PDE8B: variants seen among roughly 807,000 people sequenced by gnomAD.
PDE8B encodes high affinity cAMP-specific and IBMX-insensitive 3',5'-cyclic phosphodiesterase 8B.
Under a neutral mutation model 101.3 loss-of-function variants are expected in PDE8B, and 26 were observed. The ratio of observed to expected loss-of-function variants is 0.26; its 90% CI spans 0.19 to 0.36. The LOEUF (loss-of-function observed/expected upper bound fraction) is 0.36, where lower values mean the gene tolerates loss of function less well. PDE8B is among the 10% of genes least tolerant of loss of function. The pLI is 1.00. For missense variants in PDE8B, 810 were observed against 1,163.1 expected (o/e 0.70, Z 4.42); for synonymous variants, 424 against 429.3 (o/e 0.99, Z 0.15).
the PDE8B span, among the ~76,000 whole-genome samples, chr5:77,096,290 GA>G: frequency 6.6e-6 from 1 of 152,158 alleles, no homozygotes; most frequent in African/African-American, 2.4e-5. Context: ...CGCTGAGCAT[GA>G]TACACATTAT....
At chr5:77,399,591 T>C (rs1264955749) in intron 10 of PDE8B, among the ~76,000 whole-genome samples, 1 of 152,192 alleles carries the variant, frequency 6.6e-6, no homozygotes, top group Non-Finnish European at 1.5e-5. Context: ...AAACAAGAAA[T>C]GCAGGATCCC....
At chr5:77,218,196 T>C (rs1240479934) in intron 1 of PDE8B, among the ~76,000 whole-genome samples, 1 of 152,246 alleles carries the variant, frequency 6.6e-6, no homozygotes, top group African/African-American at 2.4e-5. Context: ...TAAGTTTTAG[T>C]GCATGGTTTG....
intron 5 of PDE8B, among the ~76,000 whole-genome samples, 181 bp from the exon 6 acceptor site, chr5:77,337,046 G>T (rs1205226638): frequency 6.6e-6 from 1 of 152,122 alleles, no homozygotes; most frequent in African/African-American, 2.4e-5. Flanking sequence ...TTGCTCTGTT[G>T]TTTCTCATAC....
At chr5:77,148,532 C>G in the PDE8B span, 14 of 152,174 alleles carry the variant, frequency 9.2e-5, no homozygotes, top group African/African-American at 3.4e-4. Flanking sequence ...ACATCCTCAC[C>G]AACATTTGGT....
rs560004243 is a variant in PDE8B at position 77,281,611 on chromosome 5, G to A, written c.340-30383G>A. ...CTCTTCTGTTGCCAAATCTCCATTCGCCTCCCTCTTATGAGAACACTTTTG... is the reference window on the plus strand; with the variant it reads ...CTCTTCTGTTGCCAAATCTCCATTCACCTCCCTCTTATGAGAACACTTTTG... On this transcript the variant is annotated intron_variant, in intron 1 of 21. Coordinates refer to ENST00000264917, the MANE Select transcript of PDE8B (RefSeq NM_003719.5). Among the ~76,000 whole-genome samples the A allele has an allele frequency of 6.6e-5, 10 of 152,122 alleles. No homozygotes were observed. In the South Asian group the frequency reaches 1.7e-3, roughly 25 times the overall value.
chr5:77,389,433 C>G (rs915384981), intron 10 of PDE8B, among the ~76,000 whole-genome samples: 6 of 152,156 alleles, frequency 3.9e-5, no homozygotes, highest in African/African-American at 1.2e-4. Context: ...AGATGAACCC[C>G]GGGTACCTCA....
At chr5:77,334,672 CA>C (rs1777783100) in intron 5 of PDE8B, among the ~76,000 whole-genome samples, 1 of 152,132 alleles carries the variant, frequency 6.6e-6, no homozygotes, top group Non-Finnish European at 1.5e-5. Flanking sequence ...ATATTTTCTC[CA>C]TTTTTGCAGA....
chr5:77,298,017 G>A (rs1768995133), intron 1 of PDE8B, among the ~76,000 whole-genome samples: 1 of 152,188 alleles, frequency 6.6e-6, no homozygotes, highest in Non-Finnish European at 1.5e-5. Context: ...TGAACACTCA[G>A]TCTTGCTTAT....
chr5:77,202,651 G>A, the PDE8B span, among the ~76,000 whole-genome samples: 1 of 119,194 alleles, frequency 8.4e-6, no homozygotes, highest in Non-Finnish European at 1.8e-5. Flanking sequence ...TTTTTTTTTT[G>A]AGACAGAGTC....
chr5:77,418,148 C>T (rs978245531), intron 17 of PDE8B, 81 bp from the exon 18 acceptor site: 24 of 940,056 alleles, frequency 2.6e-5, no homozygotes, highest in Non-Finnish European at 3.5e-5. Context: ...TCCCCTGACC[C>T]GACCCTCCGC....
intron 3 of PDE8B, 89 bp downstream of exon 3, chr5:77,325,818 A>G (rs1775949401): frequency 2.1e-6 from 2 of 939,596 alleles, no homozygotes; most frequent in Admixed American, 1.8e-5. Flanking sequence ...TTTATTTCAA[A>G]TATTTTTAAA....
intron 6 of PDE8B, among the ~76,000 whole-genome samples, chr5:77,340,899 G>A (rs919510928): frequency 3.3e-4 from 50 of 151,928 alleles, no homozygotes; most frequent in African/African-American, 1.0e-3. Context: ...CTGGACCTTC[G>A]AGGGCTCTTA....
chr5:77,273,585 A>G (rs1425691640), intron 1 of PDE8B, among the ~76,000 whole-genome samples: 3 of 152,154 alleles, frequency 2.0e-5, no homozygotes, highest in African/African-American at 7.2e-5. Flanking sequence ...ACACTTACTG[A>G]GGAAGAATAA....
chr5:77,142,828 A>G, the PDE8B span, among the ~76,000 whole-genome samples: 1 of 150,716 alleles, frequency 6.6e-6, no homozygotes, highest in Non-Finnish European at 1.5e-5. Flanking sequence ...AGTCTTTTGG[A>G]TAAGTAAGCT....
intron 16 of PDE8B, among the ~76,000 whole-genome samples, chr5:77,412,553 ATTT>A (rs34014902): frequency 6.8e-6 from 1 of 147,666 alleles, no homozygotes; most frequent in Non-Finnish European, 1.5e-5. Context: ...AGCACTATAG[ATTT>A]TTTTTTTTTT....
At chr5:77,421,087 TCGTGTCCTGGCCACATGGCTCAGG>T (rs1333907828) in intron 19 of PDE8B, among the ~76,000 whole-genome samples, 1 of 152,184 alleles carries the variant, frequency 6.6e-6, no homozygotes, top group African/African-American at 2.4e-5. Context: ...GTGTACCAAC[TCGTGTCCTGGCCACATGGCTCAGG>T]ACACTGACAT....
intron 1 of PDE8B, among the ~76,000 whole-genome samples, chr5:77,262,115 C>T (rs1185396155): frequency 3.3e-5 from 5 of 151,916 alleles, no homozygotes; most frequent in Admixed American, 2.6e-4. Flanking sequence ...CAGTATACTT[C>T]ATATGTACAG....
In PDE8B at chr5:77,389,414, G is replaced by A. The variant is rs111298078; in HGVS notation, c.1168-10834G>A. On this transcript the variant is annotated intron_variant, in intron 10 of 21. Transcript: ENST00000264917. ...GTGGGCTGCACCCACTGCCCAACCAGTCCCAATGAGATGAACCCCGGGTAC... is the reference window on the plus strand; with the variant it reads ...GTGGGCTGCACCCACTGCCCAACCAATCCCAATGAGATGAACCCCGGGTAC... Among the ~76,000 whole-genome samples, 657 of 152,276 alleles carry A rather than the reference G, an allele frequency of 4.3e-3. 2 individuals are homozygous for A. Among genetic ancestry groups the A allele is most frequent in the African/African-American group, 0.014 (601 of 41,550 alleles).
At chr5:77,332,100 A>G (rs2150298657) in intron 5 of PDE8B, among the ~76,000 whole-genome samples, 1 of 152,306 alleles carries the variant, frequency 6.6e-6, no homozygotes, top group African/African-American at 2.4e-5. Flanking sequence ...CTGCAAATGG[A>G]AAGGAACTGA....
Sources: gnomAD v4.1 joint callset for allele counts (sites outside exome capture counted in the v4.1 genomes callset) on GRCh38, gnomAD v4.1.1 for gene constraint, MANE v1.5 for transcripts, NCBI Gene and HGNC (gene_info 2026-07-23, HGNC 2026-07-21) for gene names.